The following PLA2G4C variants were observed in gnomAD, a reference collection of about 807,000 sequenced individuals.
PLA2G4C encodes phospholipase A2 group IVC, also known as cytosolic phospholipase A2 gamma.
A neutral mutation model predicts 73.8 loss-of-function variants in PLA2G4C; 64 were observed. The ratio of observed to expected loss-of-function variants is 0.87; its 90% confidence interval spans 0.71 to 1.07. The LOEUF (loss-of-function observed/expected upper bound fraction) is 1.07, where lower values mean the gene tolerates loss of function less well. Ranked by LOEUF, PLA2G4C falls within the 50% of genes least tolerant of loss-of-function variation. The pLI, the probability that PLA2G4C is intolerant of heterozygous loss-of-function variation, is 0.00. For synonymous variants in PLA2G4C, 254 were observed against 252.1 expected (o/e 1.01, Z -0.07); for missense variants, 622 against 665.4 (o/e 0.93, Z 0.72).
At chr19:48,101,941 C>T (rs1319959677) in intron 4 of PLA2G4C, among the ~76,000 whole-genome samples, 2 of 151,884 alleles carry the variant, frequency 1.3e-5, no homozygotes, top group African/African-American at 4.8e-5. Flanking sequence ...TCTTGAAGTG[C>T]TGGGATTACA....
In PLA2G4C at chr19:48,104,618, G is replaced by C. The variant is rs181055047; in HGVS notation, c.227C>G (p.Thr76Arg). 5.0e-6 allele frequency: 8 copies of C among 1,614,004 alleles called. No individual in the cohort carries two copies. The Admixed American group carries it at 8.3e-5, about 17-fold the overall frequency. Residue 76 changes from threonine (T) to arginine (R), a missense_variant, in exon 4 of 17, where the codon ACG becomes AGG. Transcript: ENST00000599921. ...GGATCCAGAGACCCCTGCGAGGTAC[G>C]TGACGGCATCCAACAGGCCCTGTTC... ...MKEQGLLDAV[T>R]YLAGVSGSTW...
At position 48,077,938 on chromosome 19, in the gene PLA2G4C, T is replaced by A; in HGVS notation, c.845-114A>T. ...TAGAAATGGCAGCCATGGGTTGGAG[T>A]CTGTTGATACGGGTTCTGGAGAGCT... On this transcript the variant is annotated intron_variant, in intron 10 of 16. Coordinates refer to ENST00000599921, the MANE Select transcript of PLA2G4C (RefSeq NM_003706.3). The A allele has an allele frequency of 6.1e-6, 5 of 813,900 alleles. No homozygotes were observed. In the South Asian group the frequency reaches 8.3e-5, roughly 13 times the overall value. The allele number at this position is 813,900 out of a possible 1,614,324, so 50.4% of individuals were successfully genotyped here.
intron 12 of PLA2G4C, among the ~76,000 whole-genome samples, chr19:48,068,264 C>T (rs1208551088): frequency 7.2e-6 from 1 of 139,734 alleles, no homozygotes; most frequent in East Asian, 2.1e-4. Context: ...GAGATCGTGC[C>T]ACTGAACTCC....
chr19:48,074,718 G>T, intron 12 of PLA2G4C, 49 bp downstream of exon 12: 1 of 1,279,412 alleles, frequency 7.8e-7, no homozygotes, highest in Non-Finnish European at 1.1e-6. Context: ...GGGGGGAGAA[G>T]GTTGGTGGCA....
chr19:48,074,713 G>T lies in PLA2G4C; in HGVS notation c.1006+54C>A, dbSNP rs140927247. ...AGGGGTGGGGAAGAGCAAGAGGGGG[G>T]AGAAGGTTGGTGGCACTTACTGTTG... On this transcript the variant is annotated intron_variant, in intron 12 of 16. Coordinates refer to ENST00000599921, the MANE Select transcript of PLA2G4C (RefSeq NM_003706.3). 6.9e-4 allele frequency: 829 copies of T among 1,208,120 alleles called. 1 individual carries two copies. Among genetic ancestry groups the T allele is most frequent in the Non-Finnish European group, 5.0e-4 (406 of 809,744 alleles). 74.8% of individuals were successfully genotyped at this position (1,208,120 alleles called of 1,614,324 possible). A position where few individuals can be genotyped will look rare whatever the true frequency, so the allele number is the denominator to read the frequency against.
In PLA2G4C at chr19:48,055,026, G is replaced by A. The variant is rs747852439; in HGVS notation, c.1281C>T (p.Tyr427=). ...GAAAGGGGATCTTGTGGCGGCGGCA[G>A]TAGTCAGTGGTAGCCCGGATGGTCT... ...PFETIRATTD[Y]CRRHKIPFPQ... The change falls in exon 15 of 17, where the codon TAC becomes TAT. Residue 427 remains tyrosine (Y), a synonymous_variant. Coordinates refer to ENST00000599921, the MANE Select transcript of PLA2G4C (RefSeq NM_003706.3). 1 of 1,611,086 alleles carries A rather than the reference G, an allele frequency of 6.2e-7. No homozygotes were observed. The highest frequency in any genetic ancestry group is 8.5e-7 in the Non-Finnish European group (1 of 1,178,980).
In PLA2G4C at chr19:48,099,885, G is replaced by C. The variant is rs1045582593; in HGVS notation, c.258-25C>G. The C allele has an allele frequency of 4.5e-6, 7 of 1,558,218 alleles. No homozygotes were observed. The African/African-American group carries it at 9.5e-5, about 21-fold the overall frequency. ...CCTGGAGGACAGAGGAAGAGAGTGAGTTGGGCATTTTAAGTGTGGACGATG... is the reference window on the plus strand; with the variant it reads ...CCTGGAGGACAGAGGAAGAGAGTGACTTGGGCATTTTAAGTGTGGACGATG... On this transcript the variant is annotated intron_variant, in intron 4 of 16. Coordinates refer to ENST00000599921, the MANE Select transcript of PLA2G4C (RefSeq NM_003706.3).
intron 7 of PLA2G4C, among the ~76,000 whole-genome samples, chr19:48,092,944 A>C (rs2031386697): frequency 6.6e-6 from 1 of 152,206 alleles, no homozygotes; most frequent in Non-Finnish European, 1.5e-5. Context: ...ATAATAATAA[A>C]TAAAAAGCAC....
rs1010558257 is a variant in PLA2G4C, at chr19:48,095,468, C to T, written c.705G>A (p.Leu235=). 1.2e-6 allele frequency: 2 copies of T among 1,614,072 alleles called. No homozygotes were observed. Among genetic ancestry groups the T allele is most frequent in the African/African-American group, 1.3e-5 (1 of 75,026 alleles). ...CCCTCTGACCCCAGCGCTGACCTCT[C>T]AGGAAAGTCAGGTCTCTCTCAGGGT... ...RTHPERDLTF[L]RGLWGSALGN... is the part of the protein sequence containing the mutation. The change falls in exon 7 of 17, where the codon CTG becomes CTA. Residue 235 remains leucine (L), a synonymous_variant. Coordinates refer to ENST00000599921, the MANE Select transcript of PLA2G4C (RefSeq NM_003706.3).
At chr19:48,055,187 GACA>G (rs1967890909) in intron 14 of PLA2G4C, 138 bp from the exon 15 acceptor site, 3 of 729,494 alleles carry the variant, frequency 4.1e-6, no homozygotes, top group Non-Finnish European at 4.6e-6. Context: ...CTTGGACAGG[GACA>G]ACATCTTCTG....
intron 13 of PLA2G4C, among the ~76,000 whole-genome samples, chr19:48,066,817 A>C (rs1968442298): frequency 6.6e-6 from 1 of 151,528 alleles, no homozygotes; most frequent in South Asian, 2.1e-4. Context: ...AGAAAAAGAA[A>C]AATTAGCCAG....
intron 12 of PLA2G4C, 172 bp from the exon 13 acceptor site, chr19:48,068,058 C>T (rs1228530406): frequency 1.7e-5 from 10 of 599,524 alleles, no homozygotes; most frequent in South Asian, 7.5e-5. Context: ...CATCCCAGCA[C>T]TTTGGGAGGC....
chr19:48,074,777 G>T lies in PLA2G4C; in HGVS notation c.996C>A (p.Pro332=). Reference sequence around the variant, plus strand: ...CACTACACATGGTACCTTTCCTTTCGGGGTCCTCATGGGGCTGCTCCTGCT... The same window carrying T: ...CACTACACATGGTACCTTTCCTTTCTGGGTCCTCATGGGGCTGCTCCTGCT... ...LEKQEQPHED[P]ERKGSLSNLM... is the part of the protein sequence containing the mutation. The change falls in exon 12 of 17, where the codon CCC becomes CCA. Residue 332 remains proline, a synonymous_variant. Transcript: ENST00000599921. The T allele has an allele frequency of 6.2e-7, 1 of 1,609,844 alleles. No individual in the cohort carries two copies. Among genetic ancestry groups the T allele is most frequent in the Non-Finnish European group, 8.5e-7 (1 of 1,176,256 alleles).
At chr19:48,110,287 C>A (rs251696) in intron 1 of PLA2G4C, among the ~76,000 whole-genome samples, 200 bp downstream of exon 1, 99,186 of 151,164 alleles carry the variant, frequency 0.66, 34,114 homozygotes, top group African/African-American at 0.87. Context: ...CGGAGCTTGC[C>A]GTGAGCCGAG....
chr19:48,104,768 G>A, intron 3 of PLA2G4C, 44 bp from the exon 4 acceptor site: 1 of 1,601,558 alleles, frequency 6.2e-7, no homozygotes, highest in Non-Finnish European at 8.5e-7. Context: ...AGAGCCTGAG[G>A]ATGGAGGTGG....
At chr19:48,076,271 G>A (rs2030151292) in intron 11 of PLA2G4C, among the ~76,000 whole-genome samples, 1 of 152,208 alleles carries the variant, frequency 6.6e-6, no homozygotes, top group South Asian at 2.1e-4. Flanking sequence ...GACCATCTTT[G>A]TCAGCCTCTG....
rs752791362 is a variant in PLA2G4C at position 48,106,622 on chromosome 19, G to C, written c.-32-61C>G. The C allele has an allele frequency of 3.6e-4, 485 of 1,338,748 alleles. 2 individuals carry two copies. The Middle Eastern group carries it at 6.3e-3, about 17-fold the overall frequency. The allele number at this position is 1,338,748 out of a possible 1,614,324, so 82.9% of individuals were successfully genotyped here. ...ACTGTTGGGCTTAGCAAAGACAGTG[G>C]GGGAGGGCTGGGACTGTCACGGGCT... On this transcript the variant is annotated intron_variant, in intron 1 of 16. Transcript: ENST00000599921.
intron 15 of PLA2G4C, 124 bp downstream of exon 15, chr19:48,054,754 C>T: frequency 1.1e-6 from 1 of 940,412 alleles, no homozygotes; most frequent in Non-Finnish European, 1.6e-6. Flanking sequence ...TCAATCCATG[C>T]TGAACTGTGA....
chr19:48,087,269 C>T (rs1008391133), intron 9 of PLA2G4C, among the ~76,000 whole-genome samples: 2 of 152,202 alleles, frequency 1.3e-5, no homozygotes, highest in Non-Finnish European at 2.9e-5. Context: ...CTAACCCAAC[C>T]ATCAGACAGC....
Sources: allele counts gnomAD v4.1 joint callset (sites outside exome capture counted in the v4.1 genomes callset), GRCh38; gene constraint gnomAD v4.1.1; transcripts MANE v1.5; gene names NCBI Gene and HGNC (gene_info 2026-07-23, HGNC 2026-07-21).